Variants in NLRP13 observed in about 807,000 individuals in gnomAD.
The protein encoded by NLRP13 is NLR family pyrin domain containing 13.
In NLRP13, 82 loss-of-function variants were observed where a neutral mutation model predicts 94.4. That is an observed-to-expected ratio of 0.87 (90% CI 0.73 to 1.04). NLRP13 has a LOEUF of 1.04. Ranked by LOEUF, NLRP13 falls within the 50% of genes least tolerant of loss-of-function variation. The pLI is 0.00. For synonymous variants in NLRP13, 553 were observed against 464.7 expected (o/e 1.19, Z -2.45); for missense variants, 1,426 against 1,230.8 (o/e 1.16, Z -2.37).
At chr19:55,914,317 T>TG (rs1193950826) in intron 4 of NLRP13, among the ~76,000 whole-genome samples, 3 of 152,130 alleles carry the variant, frequency 2.0e-5, no homozygotes, top group Non-Finnish European at 4.4e-5. Flanking sequence ...CCAAGGCACA[T>TG]GGTAGGAGGC....
intron 1 of NLRP13, 41 bp from the exon 2 acceptor site, chr19:55,925,076 C>T (rs1286520014): frequency 6.4e-7 from 1 of 1,571,022 alleles, no homozygotes; most frequent in Admixed American, 1.7e-5. Context: ...AATACCCAGA[C>T]TGAAAATGGA....
chr19:55,930,874 T>TTATATATATA (rs372288236), intron 1 of NLRP13, among the ~76,000 whole-genome samples: 2 of 70,208 alleles, frequency 2.8e-5, no homozygotes, highest in Non-Finnish European at 5.1e-5. Flanking sequence ...GAATCAGTGA[T>TTATATATATA]TATATATATA....
chr19:55,930,704 AAAAG>A (rs1446177596), intron 1 of NLRP13, among the ~76,000 whole-genome samples: 2 of 141,662 alleles, frequency 1.4e-5, no homozygotes, highest in Non-Finnish European at 3.1e-5. Context: ...AAAAAAAAAA[AAAAG>A]AGTCAATGTC....
At chr19:55,907,643 G>T in intron 7 of NLRP13, 149 bp downstream of exon 7, 1 of 725,960 alleles carries the variant, frequency 1.4e-6, no homozygotes, top group Non-Finnish European at 2.3e-6. Context: ...GAGAACCACG[G>T]CTCTACACAT....
chr19:55,896,069 A>T lies in NLRP13; in HGVS notation c.3008T>A (p.Val1003Asp). Residue 1003 changes from valine to aspartate, a missense_variant, in exon 11 of 11, where the codon GTT becomes GAT. Coordinates refer to ENST00000342929, the MANE Select transcript of NLRP13 (RefSeq NM_176810.2). ...GACCAGGCTCTTACTGCTGCTGAGAACAGAGAAGAGATGCTGGCAGCAAGC... is the reference window on the plus strand; with the variant it reads ...GACCAGGCTCTTACTGCTGCTGAGATCAGAGAAGAGATGCTGGCAGCAAGC... ...TTACCQHLFS[V>D]LSSSKSLVNL... 6.2e-7 allele frequency: 1 copy of T among 1,614,204 alleles called. No individual in the cohort carries two copies. The highest frequency in any genetic ancestry group is 8.5e-7 in the Non-Finnish European group (1 of 1,180,020).
chr19:55,907,772 C>G lies in NLRP13; in HGVS notation c.2447+20G>C. The G allele has an allele frequency of 6.2e-7, 1 of 1,613,176 alleles. No individual in the cohort carries two copies. Among genetic ancestry groups the G allele is most frequent in the Non-Finnish European group, 8.5e-7 (1 of 1,179,526 alleles). On this transcript the variant is annotated intron_variant, in intron 7 of 10. Transcript: ENST00000342929. The stretch of plus-strand genomic sequence containing the variant: ...GGTCTTGCAACCCCCCTTGACAGAT[C>G]TAGGGAGCCAAAGACTTACCACAGA...
chr19:55,916,082 A>G (rs372069045), intron 4 of NLRP13, among the ~76,000 whole-genome samples: 3 of 152,188 alleles, frequency 2.0e-5, no homozygotes, highest in African/African-American at 4.8e-5. Flanking sequence ...AACCACTACT[A>G]AAACCACATT....
chr19:55,898,327 A>G lies in NLRP13; in HGVS notation c.2957+443T>C, dbSNP rs61575602. Among the ~76,000 whole-genome samples, 490 of 150,434 alleles carry G rather than the reference A, an allele frequency of 3.3e-3. 20 individuals carry two copies. In the South Asian group the frequency reaches 0.078, roughly 24 times the overall value. On this transcript the variant is annotated intron_variant, in intron 10 of 10. Transcript: ENST00000342929. ...CGGGTTCAAGCGATTCTCCTGCCTC[A>G]GCCTCCTGAGTAGCTGGGACTACAG...
At chr19:55,911,288 G>A (rs1986501649) in intron 5 of NLRP13, among the ~76,000 whole-genome samples, 1 of 152,176 alleles carries the variant, frequency 6.6e-6, no homozygotes, top group Non-Finnish European at 1.5e-5. Flanking sequence ...CTGGAGTGCA[G>A]TGATGTGATC....
chr19:55,897,749 G>A (rs1042733249), intron 10 of NLRP13, among the ~76,000 whole-genome samples: 1 of 152,118 alleles, frequency 6.6e-6, no homozygotes, highest in East Asian at 1.9e-4. Context: ...TTTAATGTGT[G>A]GTGTCTATAT....
Position 55,899,765 on chromosome 19 carries a change from G to T in NLRP13, c.2790-828C>A, listed in dbSNP as rs1268816189. On this transcript the variant is annotated intron_variant, in intron 9 of 10. Coordinates refer to ENST00000342929, the MANE Select transcript of NLRP13 (RefSeq NM_176810.2). ...ATTGTACTCCAGCCTGGGCGACAGA[G>T]CAAGAGTCTGTTTAAAAAAAATTTT... Among the ~76,000 whole-genome samples the T allele has an allele frequency of 1.3e-5, 2 of 152,138 alleles. 1 individual carries two copies. The highest frequency in any genetic ancestry group is 1.3e-4 in the Admixed American group (2 of 15,270).
At chr19:55,924,106 AG>A (rs1986910283) in intron 3 of NLRP13, 127 bp from the exon 4 acceptor site, 1 of 720,350 alleles carries the variant, frequency 1.4e-6, no homozygotes, top group African/African-American at 1.8e-5. Flanking sequence ...TGGAGAAATC[AG>A]CATGCCCAGT....
intron 4 of NLRP13, among the ~76,000 whole-genome samples, chr19:55,919,514 T>C (rs1986759710): frequency 6.6e-6 from 1 of 151,996 alleles, no homozygotes. Context: ...ATTCATAAAA[T>C]CTTAGTATTA....
intron 10 of NLRP13, among the ~76,000 whole-genome samples, chr19:55,898,206 G>GTTTTTTT (rs67273235): frequency 3.5e-4 from 7 of 20,068 alleles, no homozygotes; most frequent in African/African-American, 7.7e-4. Context: ...TTTTGTTTTT[G>GTTTTTTT]TTTTTGTTTT....
chr19:55,923,807 C>A lies in NLRP13; in HGVS notation c.523+107G>T. ...GGAAGAGCTTTTAATTTATTGCATA[C>A]CATAAACTGAAGAAAATGTCAGTAT... is the stretch of plus-strand genomic sequence containing the variant. On this transcript the variant is annotated intron_variant, in intron 4 of 10. Transcript: ENST00000342929. 4 of 809,632 alleles carry A rather than the reference C, an allele frequency of 4.9e-6. No homozygotes were observed. In the South Asian group the frequency reaches 6.2e-5, roughly 13 times the overall value. 50.2% of individuals were successfully genotyped at this position (809,632 alleles called of 1,614,324 possible).
intron 2 of NLRP13, among the ~76,000 whole-genome samples, 153 bp downstream of exon 2, chr19:55,924,814 T>G (rs1986928440): frequency 6.6e-6 from 1 of 152,162 alleles, no homozygotes; most frequent in Non-Finnish European, 1.5e-5. Flanking sequence ...AGTTATCATT[T>G]AATAAGCAAT....
downstream of NLRP13, among the ~76,000 whole-genome samples, chr19:55,892,376 TATACACACAC>T (rs1985878041): frequency 1.6e-5 from 1 of 60,668 alleles, no homozygotes; most frequent in African/African-American, 5.7e-5. Context: ...TATATATGTA[TATACACACAC>T]ATACACACAC....
chr19:55,929,770 TAATAAA>T (rs2123151479), intron 1 of NLRP13, among the ~76,000 whole-genome samples: 1 of 151,486 alleles, frequency 6.6e-6, no homozygotes, highest in African/African-American at 2.4e-5. Context: ...ACTTGAAGTA[TAATAAA>T]AAAATGAAAG....
chr19:55,909,600 G>A (rs1054689166), intron 6 of NLRP13, among the ~76,000 whole-genome samples: 2 of 151,252 alleles, frequency 1.3e-5, no homozygotes, highest in African/African-American at 4.9e-5. Context: ...AATTCTCCAA[G>A]CCAATCATGG....
Sources: gnomAD v4.1 joint callset for allele counts (sites outside exome capture counted in the v4.1 genomes callset) on GRCh38, gnomAD v4.1.1 for gene constraint, MANE v1.5 for transcripts, NCBI Gene and HGNC (gene_info 2026-07-23, HGNC 2026-07-21) for gene names.